Variants in NMT1 observed in about 807,000 individuals in gnomAD.
The protein encoded by NMT1 is N-myristoyltransferase 1.
NMT1 carries 12 observed loss-of-function variants against 63.4 expected under a neutral mutation model. That is an observed-to-expected ratio of 0.19 (90% CI 0.12 to 0.31). NMT1 has a LOEUF of 0.31. NMT1 is among the 10% of genes least tolerant of loss of function. The pLI, the probability that NMT1 is intolerant of heterozygous loss-of-function variation, is 1.00. For missense variants in NMT1, 432 were observed against 634.6 expected (o/e 0.68, Z 3.43); for synonymous variants, 228 against 234.3 (o/e 0.97, Z 0.25).
At chr17:45,062,807 G>A (rs2053874500) in intron 1 of NMT1, among the ~76,000 whole-genome samples, 1 of 152,122 alleles carries the variant, frequency 6.6e-6, no homozygotes, top group Non-Finnish European at 1.5e-5. Context: ...GCATTTCCCA[G>A]CACATATGCC....
intron 1 of NMT1, among the ~76,000 whole-genome samples, chr17:45,062,175 A>G (rs966853574): frequency 4.6e-5 from 7 of 152,316 alleles, no homozygotes; most frequent in Admixed American, 3.3e-4. Context: ...CTCGGGCTCC[A>G]TACTGCCTAT....
At chr17:45,062,643 G>C (rs1257298410) in intron 1 of NMT1, among the ~76,000 whole-genome samples, 1 of 152,172 alleles carries the variant, frequency 6.6e-6, no homozygotes, top group Non-Finnish European at 1.5e-5. Context: ...GCAGTACTCA[G>C]TAACATGCAG....
intron 1 of NMT1, among the ~76,000 whole-genome samples, chr17:45,069,937 G>A (rs2053929070): frequency 6.6e-6 from 1 of 151,426 alleles, no homozygotes; most frequent in Non-Finnish European, 1.5e-5. Flanking sequence ...TTGAGCCACT[G>A]CTCAACATAT....
Position 45,104,440 on chromosome 17 carries a change from A to C in NMT1, c.1333-419A>C. Reference sequence around the variant, plus strand: ...GCAGGTGTCATACAACATGAGGTGCACTGAGGGCCTGAGAGTTGGGGCATC... The same window carrying C: ...GCAGGTGTCATACAACATGAGGTGCCCTGAGGGCCTGAGAGTTGGGGCATC... On this transcript the variant is annotated intron_variant, in intron 10 of 11. Transcript: ENST00000258960. This position sits in a 1 kb window ranked among gnomAD's most constrained non-coding sequence, Gnocchi z 4.2. 1 of 1,098,554 alleles carries C rather than the reference A, an allele frequency of 9.1e-7. No individual in the cohort carries two copies. Among genetic ancestry groups the C allele is most frequent in the Non-Finnish European group, 1.1e-6 (1 of 898,210 alleles). The allele number at this position is 1,098,554 out of a possible 1,614,324, so 68.1% of individuals were successfully genotyped here.
intron 1 of NMT1, among the ~76,000 whole-genome samples, chr17:45,074,884 AT>A (rs1265570478): frequency 1.3e-5 from 2 of 152,178 alleles, no homozygotes; most frequent in Non-Finnish European, 2.9e-5. Flanking sequence ...ATGCCCTAGG[AT>A]TCCCACCCAG....
At chr17:45,079,665 C>T (rs1036369872) in intron 1 of NMT1, among the ~76,000 whole-genome samples, 1 of 152,126 alleles carries the variant, frequency 6.6e-6, no homozygotes, top group Admixed American at 6.5e-5. Context: ...CACATGCACA[C>T]GTGCATACAC....
At chr17:45,094,814 CTT>C (rs770599475) in intron 4 of NMT1, among the ~76,000 whole-genome samples, 3 of 116,642 alleles carry the variant, frequency 2.6e-5, no homozygotes, top group Non-Finnish European at 1.7e-5. Flanking sequence ...CTAGGCCTGG[CTT>C]TTTTTTTTTT....
At chr17:45,098,913 T>C (rs1177593254) in intron 7 of NMT1, 5 of 259,338 alleles carry the variant, frequency 1.9e-5, no homozygotes, top group Non-Finnish European at 7.5e-6. Flanking sequence ...CAAATTGTTT[T>C]GAATATTGTG....
rs1184071441 is a variant in NMT1, at chr17:45,100,233, C to T, written c.993+720C>T. Among the ~76,000 whole-genome samples the T allele has an allele frequency of 2.0e-5, 3 of 152,144 alleles. 1 individual carries two copies. Among genetic ancestry groups the T allele is most frequent in the East Asian group, 3.9e-4 (2 of 5,136 alleles). On this transcript the variant is annotated intron_variant, in intron 8 of 11. Transcript: ENST00000258960. The stretch of plus-strand genomic sequence containing the variant: ...CCTCCCAAGTAGCTGGGACTACAGG[C>T]GTGTGCCGCCATGCCCGGCCAATTT...
intron 6 of NMT1, 63 bp downstream of exon 6, chr17:45,097,307 G>A: frequency 7.9e-7 from 1 of 1,266,360 alleles, no homozygotes; most frequent in Non-Finnish European, 1.2e-6. Flanking sequence ...CTGGGAGAGA[G>A]TAGAAAAAGG....
Position 45,107,031 on chromosome 17 carries a change from A to T in NMT1, c.*1392A>T, listed in dbSNP as rs1346048996. ...CTTGGATGTAATTTTTGCTCTAGAG[A>T]GAAGCAAGTGGTGGGAAGGAGGTAG... On this transcript the variant is annotated 3_prime_UTR_variant, in exon 12 of 12. Transcript: ENST00000258960. The T allele has an allele frequency of 1.3e-5, 2 of 152,174 alleles. No homozygotes were observed. Among genetic ancestry groups the T allele is most frequent in the African/African-American group, 2.4e-5 (1 of 41,432 alleles). 9.4% of individuals were successfully genotyped at this position (152,174 alleles called of 1,614,324 possible). A position where few individuals can be genotyped will look rare whatever the true frequency, so the allele number is the denominator to read the frequency against.
chr17:45,082,131 A>G (rs1488229222), intron 2 of NMT1, among the ~76,000 whole-genome samples: 1 of 152,190 alleles, frequency 6.6e-6, no homozygotes, highest in Non-Finnish European at 1.5e-5. Flanking sequence ...TTTTTGAGAC[A>G]GAGTCTTACT....
chr17:45,089,525 A>G (rs2054075151), intron 3 of NMT1, among the ~76,000 whole-genome samples: 1 of 152,032 alleles, frequency 6.6e-6, no homozygotes, highest in Admixed American at 6.6e-5. Flanking sequence ...TATTTTTAGT[A>G]GAGACAGGGT....
intron 1 of NMT1, among the ~76,000 whole-genome samples, chr17:45,072,566 A>AT (rs1250714226): frequency 6.7e-4 from 94 of 140,648 alleles, no homozygotes; most frequent in East Asian, 4.6e-3. Flanking sequence ...CACCTGGCCT[A>AT]TTTTTTTTTT....
At chr17:45,093,910 A>G in intron 4 of NMT1, 107 bp downstream of exon 4, 1 of 882,064 alleles carries the variant, frequency 1.1e-6, no homozygotes, top group Non-Finnish European at 1.8e-6. Context: ...GAGCTGAGCC[A>G]AGGAGGTCTG....
chr17:45,079,705 A>C (rs2054002230), intron 1 of NMT1, among the ~76,000 whole-genome samples: 1 of 151,974 alleles, frequency 6.6e-6, no homozygotes, highest in Non-Finnish European at 1.5e-5. Context: ...TTATTTATTT[A>C]TTTTTATTTT....
intron 3 of NMT1, among the ~76,000 whole-genome samples, chr17:45,089,305 A>C (rs551136571): frequency 6.6e-6 from 1 of 152,276 alleles, no homozygotes; most frequent in Non-Finnish European, 1.5e-5. Flanking sequence ...AGTTTTAATT[A>C]GATGGTATTC....
intron 8 of NMT1, among the ~76,000 whole-genome samples, chr17:45,102,151 G>A (rs892790024): frequency 2.6e-5 from 4 of 152,224 alleles, no homozygotes; most frequent in Admixed American, 1.3e-4. Flanking sequence ...TTCTAGAACT[G>A]AAGTTTTAAA....
chr17:45,096,070 G>T lies in NMT1; in HGVS notation c.505-124G>T. ...ACCATGCCAGGGGGCAGAAGGATTT[G>T]TGAGACTCCACGTCGTTTTTGGTAG... is the stretch of plus-strand genomic sequence containing the variant. On this transcript the variant is annotated intron_variant, in intron 4 of 11. Coordinates refer to ENST00000258960, the MANE Select transcript of NMT1 (RefSeq NM_021079.5). 2.8e-6 allele frequency: 2 copies of T among 709,680 alleles called. 1 individual carries two copies. 44.0% of individuals were successfully genotyped at this position (709,680 alleles called of 1,614,324 possible).
Sources: allele counts gnomAD v4.1 joint callset (sites outside exome capture counted in the v4.1 genomes callset), GRCh38; gene constraint gnomAD v4.1.1; non-coding constraint Gnocchi (gnomAD v3.1); transcripts MANE v1.5; gene names NCBI Gene and HGNC (gene_info 2026-07-23, HGNC 2026-07-21).